The following DCTN1 variants were observed in gnomAD, a reference collection of about 807,000 sequenced individuals.
DCTN1 encodes 150 kDa dynein-associated polypeptide.
In DCTN1, 61 loss-of-function variants were observed where a neutral mutation model predicts 161.2. That is an observed-to-expected ratio of 0.38 (90% CI 0.31 to 0.47). The LOEUF is 0.47. DCTN1 is among the 20% of genes least tolerant of loss of function. The pLI, the probability that DCTN1 is intolerant of heterozygous loss-of-function variation, is 0.99. For synonymous variants in DCTN1, 653 were observed against 632.4 expected (o/e 1.03, Z -0.49); for missense variants, 1,404 against 1,623.7 (o/e 0.86, Z 2.33).
chr2:74,361,512 C>A lies in DCTN1; in HGVS notation c.3824G>T (p.Arg1275Leu). Residue 1275 changes from arginine (R) to leucine (L), a missense_variant, in exon 32 of 32, where the codon CGC (arginine) becomes CTC (leucine). Coordinates refer to ENST00000628224, the MANE Select transcript of DCTN1 (RefSeq NM_004082.5). ...GGAAAGGAGTGCTTAGGAGATGAGG[C>A]GACTGTGAAGCTGGTGCAGCTGCTC... ...TQEQLHQLHS[R>L]LIS 1.2e-6 allele frequency: 2 copies of A among 1,614,068 alleles called. No homozygotes were observed. The highest frequency in any genetic ancestry group is 1.7e-6 in the Non-Finnish European group (2 of 1,180,002).
chr2:74,363,368 G>A lies in DCTN1; in HGVS notation c.3271C>T (p.Pro1091Ser), dbSNP rs772479114. The change falls in exon 28 of 32, where the codon CCA becomes TCA. Residue 1091 changes from proline to serine, a missense_variant. This residue lies in a region of DCTN1 where 311 missense variants were observed against 298.9 expected (regional missense o/e 1.04). Transcript: ENST00000628224. ...GCAGAGATCTGCTGAAGCAGCAGTG[G>A]TGAGTCCTTCACCAGCCCTGGGCCT... ...VPGPGLVKDS[P>S]LLLQQISAMR... The A allele has an allele frequency of 1.2e-6, 2 of 1,612,580 alleles. No homozygotes were observed. The highest frequency in any genetic ancestry group is 1.7e-6 in the Non-Finnish European group (2 of 1,179,510).
Position 74,365,817 on chromosome 2 carries a change from G to A in DCTN1, c.2886+76C>T, listed in dbSNP as rs1411776437. 26 of 1,613,164 alleles carry A rather than the reference G, an allele frequency of 1.6e-5. No homozygotes were observed. In the East Asian group the frequency reaches 1.8e-4, roughly 11 times the overall value. On this transcript the variant is annotated intron_variant, in intron 24 of 31. Transcript: ENST00000628224. ...TTAACTCCCAAGCCGTCTTGGTCCC[G>A]ATCCCCAACACTCACTGCTTTCCTG...
At position 74,368,081 on chromosome 2, in the gene DCTN1, G is replaced by T. The variant is rs1182116550; in HGVS notation, c.1905C>A (p.Asn635Lys). The stretch of plus-strand genomic sequence containing the variant: ...CTCGCAGCCCAGGCCGCTCTGAACA[G>T]TTCTCACTTAGTTCAAACTTCTCCT... ...QAQEKFELSE[N>K]CSERPGLRGA... is the part of the protein sequence containing the mutation. Residue 635 changes from asparagine to lysine, a missense_variant, in exon 17 of 32, where the codon AAC (asparagine) becomes AAA (lysine). Physicochemically the swap from Asn to Lys is moderately conservative, Grantham distance 94. Around this residue, in one of 9 missense-constraint regions of DCTN1, gnomAD observed 475 missense variants for 489.8 expected, o/e 0.97. Transcript: ENST00000628224. 6.2e-7 allele frequency: 1 copy of T among 1,608,592 alleles called. No homozygotes were observed. The highest frequency in any genetic ancestry group is 8.5e-7 in the Non-Finnish European group (1 of 1,177,258).
intron 1 of DCTN1, among the ~76,000 whole-genome samples, chr2:74,379,635 G>A (rs555737742): frequency 6.6e-6 from 1 of 152,310 alleles, no homozygotes; most frequent in South Asian, 2.1e-4. Context: ...TTCTATCTCA[G>A]AAGAGAAAGA....
In DCTN1 at chr2:74,378,198, C is replaced by T. The variant is rs780626071; in HGVS notation, c.81G>A (p.Leu27=). 3.4e-5 allele frequency: 55 copies of T among 1,612,954 alleles called. No individual in the cohort carries two copies. Among genetic ancestry groups the T allele is most frequent in the Middle Eastern group, 1.6e-4 (1 of 6,066 alleles). The part of the protein sequence containing the change: ...RMSAEASARP[L]RVGSRVEVIG... ...TCACCTCTACACGGGAGCCCACCCG[C>T]AGAGGCCGGGCGCTTGCCTCCGCAC... Residue 27 remains leucine (L), a synonymous_variant, in exon 2 of 32, where the codon CTG becomes CTA. Coordinates refer to ENST00000628224, the MANE Select transcript of DCTN1 (RefSeq NM_004082.5).
rs2103681579 is a variant in DCTN1 at position 74,372,923 on chromosome 2, C to T, written c.453+5G>A. On this transcript the variant is annotated splice_donor_5th_base_variant and intron_variant, in intron 7 of 31. Transcript: ENST00000628224. ...AGTGGCTCACACAGGGGCCTGTTTT[C>T]TCACCTTGGGTCGCCGAGTTGTGGT... 6.2e-7 allele frequency: 1 copy of T among 1,614,082 alleles called. No individual in the cohort carries two copies. The highest frequency in any genetic ancestry group is 8.5e-7 in the Non-Finnish European group (1 of 1,179,986).
chr2:74,389,154 A>C (rs1414707510), intron 1 of DCTN1, among the ~76,000 whole-genome samples: 1 of 152,190 alleles, frequency 6.6e-6, no homozygotes, highest in African/African-American at 2.4e-5. Flanking sequence ...GCTGTAGTGA[A>C]GCCCTTGGGG....
chr2:74,377,495 G>A, intron 3 of DCTN1, 29 bp from the exon 4 acceptor site: 2 of 1,604,238 alleles, frequency 1.2e-6, no homozygotes, highest in African/African-American at 1.3e-5. Flanking sequence ...AACAAAGTGT[G>A]TACTTGTATA....
rs1275365608 is a variant in DCTN1 at position 74,361,185 on chromosome 2, G to A, written c.*314C>T. ...AAGCAGAAGTTGCTTTAATCAAGGGGTGAAGTCCTCAATCAAGGGGACCTC... is the reference window on the plus strand; with the variant it reads ...AAGCAGAAGTTGCTTTAATCAAGGGATGAAGTCCTCAATCAAGGGGACCTC... On this transcript the variant is annotated 3_prime_UTR_variant, in exon 32 of 32. Transcript: ENST00000628224. 6.1e-6 allele frequency: 3 copies of A among 488,212 alleles called. No individual in the cohort carries two copies. Among genetic ancestry groups the A allele is most frequent in the Non-Finnish European group, 1.2e-5 (3 of 252,604 alleles). The allele number at this position is 488,212 out of a possible 1,614,324, so 30.2% of individuals were successfully genotyped here.
chr2:74,378,316 T>G, intron 1 of DCTN1, 71 bp from the exon 2 acceptor site: 1 of 1,579,658 alleles, frequency 6.3e-7, no homozygotes, highest in Admixed American at 1.7e-5. Context: ...GTATAAGAAA[T>G]GCCTCAGCCA....
At position 74,378,058 on chromosome 2, in the gene DCTN1, T is replaced by C. The variant is rs72466487; in HGVS notation, c.221A>G (p.Gln74Arg). 6.2e-7 allele frequency: 1 copy of C among 1,614,264 alleles called. No individual in the cohort carries two copies. The highest frequency in any genetic ancestry group is 1.7e-5 in the Admixed American group (1 of 60,030). The change falls in exon 2 of 32, where the codon CAA becomes CGA. Residue 74 changes from glutamine (Q) to arginine (R), a missense_variant. Around this residue, in one of 9 missense-constraint regions of DCTN1, gnomAD observed 18 missense variants for 53.0 expected, o/e 0.34. Transcript: ENST00000628224. The stretch of plus-strand genomic sequence containing the variant: ...ATCACAAGTGAAGTACTTCCTGCCT[T>C]GAACAGTTCCATCATTTTTGCCCTT... ...EAKGKNDGTV[Q>R]GRKYFTCDEG...
chr2:74,374,304 C>A lies in DCTN1; in HGVS notation c.432+19G>T. ...TTGCCCTGGCAACCCAGCAGCAGGA[C>A]GAGAGCAAGCAAGAGTACCTTTCGG... is the stretch of plus-strand genomic sequence containing the variant. On this transcript the variant is annotated intron_variant, in intron 6 of 31. Coordinates refer to ENST00000628224, the MANE Select transcript of DCTN1 (RefSeq NM_004082.5). The A allele has an allele frequency of 1.9e-6, 3 of 1,612,220 alleles. No homozygotes were observed. Among genetic ancestry groups the A allele is most frequent in the East Asian group, 2.2e-5 (1 of 44,792 alleles).
exon 1 of DCTN1, chr2:74,391,854 C>T: frequency 2.2e-6 from 1 of 453,574 alleles, no homozygotes; most frequent in South Asian, 1.6e-5. Flanking sequence ...GCCCAAGACC[C>T]TGCGGGGCCG....
rs977310079 is a variant in DCTN1 at position 74,368,617 on chromosome 2, C to T, written c.1854+111G>A. On this transcript the variant is annotated intron_variant, in intron 16 of 31. Transcript: ENST00000628224. ...GACTTTGCTGTGTTCCTCCACTATACCATAAACTCTTTGTGGGCAGAGACT... is the reference window on the plus strand; with the variant it reads ...GACTTTGCTGTGTTCCTCCACTATATCATAAACTCTTTGTGGGCAGAGACT... The T allele has an allele frequency of 2.2e-5, 32 of 1,471,612 alleles. No homozygotes were observed. In the Admixed American group the frequency reaches 5.6e-4, roughly 26 times the overall value. 91.2% of individuals were successfully genotyped at this position (1,471,612 alleles called of 1,614,324 possible).
At chr2:74,368,480 G>A in intron 16 of DCTN1, 1 of 645,970 alleles carries the variant, frequency 1.5e-6, no homozygotes, top group Non-Finnish European at 2.7e-6. Context: ...CTCAGACAAT[G>A]TTATTCCCTC....
rs774272417 is a variant in DCTN1 at position 74,367,826 on chromosome 2, A to G, written c.2054T>C (p.Val685Ala). The G allele has an allele frequency of 6.2e-7, 1 of 1,614,182 alleles. No homozygotes were observed. The highest frequency in any genetic ancestry group is 1.7e-5 in the Admixed American group (1 of 60,028). ...ACTCATCTCAGGGTACAGGCTGCCCACTTTCTTATACACATCCACACTGCA... is the reference window on the plus strand; with the variant it reads ...ACTCATCTCAGGGTACAGGCTGCCCGCTTTCTTATACACATCCACACTGCA... Reference protein sequence around the residue: ...SQCSVDVYKKVGSLYPEMSAH... With the variant: ...SQCSVDVYKKAGSLYPEMSAH... The change falls in exon 18 of 32, where the codon GTG (valine) becomes GCG (alanine). Residue 685 changes from valine (V) to alanine (A), a missense_variant. This residue lies in a region of DCTN1 where 475 missense variants were observed against 489.8 expected (regional missense o/e 0.97). Coordinates refer to ENST00000628224, the MANE Select transcript of DCTN1 (RefSeq NM_004082.5).
intron 1 of DCTN1, among the ~76,000 whole-genome samples, chr2:74,389,412 G>A (rs1012601851): frequency 6.6e-6 from 1 of 152,102 alleles, no homozygotes; most frequent in Admixed American, 6.5e-5. Context: ...CTGTAGACAG[G>A]CCAAGCAACC....
chr2:74,375,413 T>G (rs765050622), intron 5 of DCTN1, among the ~76,000 whole-genome samples: 6 of 152,228 alleles, frequency 3.9e-5, no homozygotes, highest in Non-Finnish European at 8.8e-5. Context: ...AGAGGAAGAC[T>G]GGGGTGCTCC....
chr2:74,362,678 G>C lies in DCTN1; in HGVS notation c.3581C>G (p.Ser1194Cys). The C allele has an allele frequency of 6.2e-7, 1 of 1,613,996 alleles. No homozygotes were observed. Among genetic ancestry groups the C allele is most frequent in the Non-Finnish European group, 8.5e-7 (1 of 1,179,992 alleles). ...GAGCTTCTCGACGGTGTCACTCAGGGACTTAAGCTGAGCCACTTGCTCCAT... is the reference window on the plus strand; with the variant it reads ...GAGCTTCTCGACGGTGTCACTCAGGCACTTAAGCTGAGCCACTTGCTCCAT... ...QLMEQVAQLKSLSDTVEKLKD... is the reference protein window; with the variant it reads ...QLMEQVAQLKCLSDTVEKLKD... The change falls in exon 30 of 32, where the codon TCC becomes TGC. Residue 1194 changes from serine (S) to cysteine (C), a missense_variant. Transcript: ENST00000628224.
Sources: allele counts gnomAD v4.1 joint callset (sites outside exome capture counted in the v4.1 genomes callset), GRCh38; gene constraint gnomAD v4.1.1; regional missense constraint gnomAD v4.1.1; transcripts MANE v1.5; gene names NCBI Gene and HGNC (gene_info 2026-07-23, HGNC 2026-07-21).